EYS: variants seen among roughly 807,000 people sequenced by gnomAD.
EYS encodes the protein protein eyes shut homolog.
EYS carries 250 observed loss-of-function variants against 282.1 expected under a neutral mutation model. The ratio of observed to expected loss-of-function variants is 0.89; its 90% confidence interval spans 0.80 to 0.98. EYS has a LOEUF of 0.98. EYS is among the 50% of genes least tolerant of loss of function. The pLI, the probability that EYS is intolerant of heterozygous loss-of-function variation, is 0.00. For synonymous variants in EYS, 1,355 were observed against 1,282.9 expected (o/e 1.06, Z -1.20); for missense variants, 4,016 against 3,709.0 (o/e 1.08, Z -2.15).
rs200975173 is a variant in EYS, at chr6:64,630,123, GTC to G, written c.3444-3880_3444-3879del. Among the ~76,000 whole-genome samples the G allele has an allele frequency of 6.1e-3, 928 of 152,086 alleles. 3 individuals carry two copies. The highest frequency in any genetic ancestry group is 0.01 in the Non-Finnish European group (692 of 67,990). On this transcript the variant is annotated intron_variant, in intron 22 of 42. Coordinates refer to ENST00000503581, the MANE Select transcript of EYS (RefSeq NM_001142800.2). ...TTTTTATTTTTGTTTTTGAGATGGA[GTC>G]TCTCTCTGTTGCCAGGCTGGAGTGC...
At chr6:65,277,206 G>A (rs778978238) in intron 12 of EYS, among the ~76,000 whole-genome samples, 21 of 152,162 alleles carry the variant, frequency 1.4e-4, no homozygotes, top group Non-Finnish European at 2.5e-4. Context: ...AGGCCAAGGT[G>A]GGTAGATCAC....
intron 29 of EYS, among the ~76,000 whole-genome samples, chr6:64,372,488 A>G (rs1561956819): frequency 6.6e-6 from 1 of 150,816 alleles, no homozygotes; most frequent in Non-Finnish European, 1.5e-5. Context: ...TTTCATCTCC[A>G]CATTGGAGAA....
At position 65,133,517 on chromosome 6, in the gene EYS, T is replaced by C. The variant is rs1402901496; in HGVS notation, c.2024-75790A>G. Among the ~76,000 whole-genome samples, 3 of 151,934 alleles carry C rather than the reference T, an allele frequency of 2.0e-5. No individual in the cohort carries two copies. The East Asian group carries it at 5.8e-4, about 30-fold the overall frequency. On this transcript the variant is annotated intron_variant, in intron 12 of 42. Transcript: ENST00000503581. ...GATGTTCTACAAAGCTGACAAGCAG[T>C]GTGAAAAGGACTCCCTATTCAATAA...
intron 2 of EYS, among the ~76,000 whole-genome samples, chr6:65,561,285 A>T (rs1035527718): frequency 2.0e-5 from 3 of 152,130 alleles, no homozygotes; most frequent in Non-Finnish European, 4.4e-5. Flanking sequence ...ACTCTATAAC[A>T]CAAAATTGGC....
At chr6:64,018,898 C>T (rs1336048772) in intron 33 of EYS, among the ~76,000 whole-genome samples, 1 of 151,380 alleles carries the variant, frequency 6.6e-6, no homozygotes, top group African/African-American at 2.4e-5. Context: ...CCTCAGCCTC[C>T]TGAGTAGCTG....
intron 36 of EYS, among the ~76,000 whole-genome samples, chr6:63,818,710 G>A (rs1168784386): frequency 6.6e-6 from 1 of 152,168 alleles, no homozygotes; most frequent in Non-Finnish European, 1.5e-5. Context: ...CCTGGGACAG[G>A]CACCAGACAA....
chr6:64,779,134 C>T (rs542711472), intron 22 of EYS, among the ~76,000 whole-genome samples: 1 of 152,106 alleles, frequency 6.6e-6, no homozygotes, highest in Non-Finnish European at 1.5e-5. Context: ...AGCAATTACA[C>T]TCTTTGGAAT....
chr6:64,853,420 G>T (rs572345299), intron 19 of EYS, among the ~76,000 whole-genome samples: 2 of 152,158 alleles, frequency 1.3e-5, no homozygotes, highest in African/African-American at 4.8e-5. Context: ...CAGAATACCA[G>T]GTTTCCAAAC....
chr6:63,925,791 G>A (rs145923106), intron 35 of EYS, among the ~76,000 whole-genome samples: 134 of 152,280 alleles, frequency 8.8e-4, no homozygotes, highest in African/African-American at 9.6e-4. Context: ...TTATAGGCAC[G>A]TGGCACCACG....
intron 16 of EYS, among the ~76,000 whole-genome samples, chr6:64,910,647 A>G (rs1462311405): frequency 2.0e-5 from 3 of 152,058 alleles, no homozygotes; most frequent in Non-Finnish European, 4.4e-5. Flanking sequence ...ATAAGATTAC[A>G]TTTATTTAAT....
chr6:64,078,442 G>C (rs1771846336), intron 32 of EYS, among the ~76,000 whole-genome samples: 1 of 151,974 alleles, frequency 6.6e-6, no homozygotes, highest in Non-Finnish European at 1.5e-5. Flanking sequence ...AAATCTTTGT[G>C]CTCATCTGTT....
At chr6:65,155,146 CT>C (rs1317274842) in intron 12 of EYS, among the ~76,000 whole-genome samples, 5 of 151,418 alleles carry the variant, frequency 3.3e-5, no homozygotes, top group Non-Finnish European at 7.4e-5. Flanking sequence ...GGTAGCATGC[CT>C]TTGTAGAGAA....
intron 22 of EYS, among the ~76,000 whole-genome samples, chr6:64,719,608 G>C (rs1200340798): frequency 2.0e-5 from 3 of 151,992 alleles, no homozygotes; most frequent in African/African-American, 7.3e-5. Flanking sequence ...AATGTGTTTT[G>C]GGCCAGTCTT....
intron 31 of EYS, among the ~76,000 whole-genome samples, chr6:64,146,693 G>T (rs1296597707): frequency 1.3e-5 from 2 of 151,992 alleles, no homozygotes; most frequent in African/African-American, 4.8e-5. Flanking sequence ...CTGTCCCCAG[G>T]AGCTGTTAAT....
chr6:65,120,074 A>C (rs1775487794), intron 12 of EYS, among the ~76,000 whole-genome samples: 2 of 143,258 alleles, frequency 1.4e-5, no homozygotes, highest in Admixed American at 1.4e-4. Context: ...ATGGCGCAAA[A>C]CCGGCAGGCA....
chr6:65,588,303 C>A (rs954945828), intron 2 of EYS, among the ~76,000 whole-genome samples: 4 of 151,870 alleles, frequency 2.6e-5, no homozygotes, highest in Non-Finnish European at 4.4e-5. Context: ...TCTTATTGTG[C>A]CAAATACTAT....
chr6:64,036,092 G>A (rs1335706274), intron 33 of EYS, among the ~76,000 whole-genome samples: 1 of 152,196 alleles, frequency 6.6e-6, no homozygotes, highest in Non-Finnish European at 1.5e-5. Flanking sequence ...ATCTTATACA[G>A]CAAATTTTGT....
intron 13 of EYS, among the ~76,000 whole-genome samples, chr6:65,037,056 A>G (rs1583422246): frequency 6.6e-6 from 1 of 151,946 alleles, no homozygotes; most frequent in East Asian, 1.9e-4. Context: ...CATGGAATCT[A>G]TCTAAATGCC....
At chr6:64,000,975 ACT>A (rs1768071402) in intron 33 of EYS, among the ~76,000 whole-genome samples, 1 of 152,142 alleles carries the variant, frequency 6.6e-6, no homozygotes. Context: ...AACAAAAAAA[ACT>A]CTATAAACAA....
Sources: allele counts gnomAD v4.1 joint callset (sites outside exome capture counted in the v4.1 genomes callset), GRCh38; gene constraint gnomAD v4.1.1; transcripts MANE v1.5; gene names NCBI Gene and HGNC (gene_info 2026-07-23, HGNC 2026-07-21).